Variants in SUCLG2 observed in about 807,000 individuals in gnomAD.
SUCLG2 encodes succinate-CoA ligase GDP-forming subunit beta, also known as succinate--CoA ligase [GDP-forming] subunit beta, mitochondrial.
SUCLG2 carries 42 observed loss-of-function variants against 47.9 expected under a neutral mutation model. The ratio of observed to expected loss-of-function variants is 0.88; its 90% CI spans 0.69 to 1.14. The LOEUF (loss-of-function observed/expected upper bound fraction) is 1.14. Among genes scored for constraint, SUCLG2 ranks in the 50% most tolerant of loss-of-function variants. The pLI is 0.00. For missense variants in SUCLG2, 571 were observed against 525.9 expected (o/e 1.09, Z -0.84); for synonymous variants, 195 against 197.3 (o/e 0.99, Z 0.10).
At chr3:67,410,473 G>A (rs1031317298) in intron 9 of SUCLG2, among the ~76,000 whole-genome samples, 1 of 151,892 alleles carries the variant, frequency 6.6e-6, no homozygotes, top group African/African-American at 2.4e-5. Context: ...ACAGAGATTT[G>A]GGGGAATAGC....
At chr3:67,466,438 G>A (rs973940138) in intron 9 of SUCLG2, among the ~76,000 whole-genome samples, 4 of 152,186 alleles carry the variant, frequency 2.6e-5, no homozygotes, top group African/African-American at 4.8e-5. Context: ...TAGGTAAACT[G>A]AAGGAATTTG....
At chr3:67,360,907 G>T in intron 10 of SUCLG2, 1 of 727,898 alleles carries the variant, frequency 1.4e-6, no homozygotes, top group Non-Finnish European at 2.0e-6. Context: ...TCTCCCACTG[G>T]AGGAATATGC....
intron 1 of SUCLG2, among the ~76,000 whole-genome samples, chr3:67,636,422 G>C (rs961473224): frequency 6.7e-6 from 1 of 150,032 alleles, no homozygotes; most frequent in African/African-American, 2.5e-5. Context: ...GCAGGATCTC[G>C]GCTCACTGCA....
At chr3:67,587,169 G>A (rs941962795) in intron 2 of SUCLG2, among the ~76,000 whole-genome samples, 11 of 152,104 alleles carry the variant, frequency 7.2e-5, no homozygotes, top group African/African-American at 2.4e-4. Context: ...AAATGATTAC[G>A]TCTCCTAGCT....
intron 7 of SUCLG2, among the ~76,000 whole-genome samples, chr3:67,500,740 A>G: frequency 6.6e-6 from 1 of 152,222 alleles, no homozygotes; most frequent in African/African-American, 2.4e-5. Flanking sequence ...TGGCAAGACT[A>G]CTTATAACTG....
At chr3:67,524,120 G>T (rs915729130) in intron 4 of SUCLG2, among the ~76,000 whole-genome samples, 1 of 152,106 alleles carries the variant, frequency 6.6e-6, no homozygotes, top group Non-Finnish European at 1.5e-5. Flanking sequence ...CCAAATGACC[G>T]AGGATGACAG....
intron 2 of SUCLG2, among the ~76,000 whole-genome samples, chr3:67,540,630 C>T (rs775637718): frequency 1.3e-5 from 2 of 152,232 alleles, no homozygotes; most frequent in Non-Finnish European, 2.9e-5. Flanking sequence ...CTTCAGCAAA[C>T]TTAAAAGTTC....
chr3:67,564,120 A>C (rs1707390927), intron 2 of SUCLG2, among the ~76,000 whole-genome samples: 2 of 152,244 alleles, frequency 1.3e-5, no homozygotes, highest in South Asian at 4.1e-4. Flanking sequence ...TAGAAAAATC[A>C]AGTGTATCTG....
intron 10 of SUCLG2, among the ~76,000 whole-genome samples, chr3:67,364,242 T>A (rs1450393284): frequency 1.3e-5 from 2 of 152,180 alleles, no homozygotes; most frequent in Admixed American, 6.5e-5. Context: ...TTAGAAAGGC[T>A]GAGTAGAGAG....
At chr3:67,581,141 G>C (rs1333867095) in intron 2 of SUCLG2, among the ~76,000 whole-genome samples, 1 of 152,190 alleles carries the variant, frequency 6.6e-6, no homozygotes, top group African/African-American at 2.4e-5. Context: ...ATGTATCTCT[G>C]TGTGCTGATG....
chr3:67,563,353 A>G (rs1368282806), intron 2 of SUCLG2, among the ~76,000 whole-genome samples: 1 of 152,082 alleles, frequency 6.6e-6, no homozygotes, highest in Non-Finnish European at 1.5e-5. Flanking sequence ...AAAATGCTCT[A>G]TTGTTCCTCA....
chr3:67,546,429 T>A (rs1706863912), intron 2 of SUCLG2, among the ~76,000 whole-genome samples: 1 of 152,044 alleles, frequency 6.6e-6, no homozygotes, highest in Non-Finnish European at 1.5e-5. Flanking sequence ...TTACAAGAAA[T>A]TTGCACTAAT....
At chr3:67,538,745 T>C (rs1706616768) in intron 2 of SUCLG2, among the ~76,000 whole-genome samples, 1 of 152,162 alleles carries the variant, frequency 6.6e-6, no homozygotes, top group Admixed American at 6.6e-5. Flanking sequence ...TGAGCAGTGG[T>C]TTGTAGTCCT....
intron 9 of SUCLG2, among the ~76,000 whole-genome samples, chr3:67,458,950 T>C (rs1200721523): frequency 1.3e-5 from 2 of 152,242 alleles, no homozygotes; most frequent in Non-Finnish European, 2.9e-5. Context: ...TAATCACCTT[T>C]GAGACCCAAT....
At position 67,544,760 on chromosome 3, in the gene SUCLG2, T is replaced by C. The variant is rs1467413045; in HGVS notation, c.227-15574A>G. On this transcript the variant is annotated intron_variant, in intron 2 of 10. Transcript: ENST00000307227. ...TCTATTTATTTCTGTTTGGCTTTCA[T>C]GGTTTGCTGTTTAAACTAGAAATCA... 2.0e-5 allele frequency among the ~76,000 whole-genome samples: 3 copies of C among 152,234 alleles called. No individual in the cohort carries two copies. The East Asian group carries it at 5.8e-4, about 29-fold the overall frequency.
At chr3:67,483,420 A>G (rs1704970361) in intron 9 of SUCLG2, among the ~76,000 whole-genome samples, 1 of 152,198 alleles carries the variant, frequency 6.6e-6, no homozygotes, top group Non-Finnish European at 1.5e-5. Context: ...AAGGTCAACT[A>G]TCAGAGAGGT....
chr3:67,582,133 C>T (rs1707894352), intron 2 of SUCLG2, among the ~76,000 whole-genome samples: 1 of 152,132 alleles, frequency 6.6e-6, no homozygotes, highest in African/African-American at 2.4e-5. Context: ...ACTTATTTAA[C>T]ATTCAGGGGT....
chr3:67,617,054 A>G (rs569995642), intron 1 of SUCLG2, among the ~76,000 whole-genome samples: 1 of 152,330 alleles, frequency 6.6e-6, no homozygotes, highest in South Asian at 2.1e-4. Context: ...ATTAGCACCG[A>G]TAAATCTACC....
chr3:67,640,099 A>G (rs1179301760), intron 1 of SUCLG2, among the ~76,000 whole-genome samples: 1 of 152,232 alleles, frequency 6.6e-6, no homozygotes, highest in Admixed American at 6.5e-5. Flanking sequence ...AGATCTTAAA[A>G]GCACACAAGC....
Sources: allele counts gnomAD v4.1 joint callset (sites outside exome capture counted in the v4.1 genomes callset), GRCh38; gene constraint gnomAD v4.1.1; transcripts MANE v1.5; gene names NCBI Gene and HGNC (gene_info 2026-07-23, HGNC 2026-07-21).